Variants in IL17RC observed in about 807,000 individuals in gnomAD.
The protein encoded by IL17RC is interleukin 17 receptor C.
A neutral mutation model predicts 86.7 loss-of-function variants in IL17RC; 53 were observed. The ratio of observed to expected loss-of-function variants is 0.61; its 90% confidence interval spans 0.49 to 0.77. The LOEUF (loss-of-function observed/expected upper bound fraction) is 0.77. Among genes scored for constraint, IL17RC ranks in the 30% least tolerant of loss-of-function variants. IL17RC has a pLI of 0.00. For synonymous variants in IL17RC, 439 were observed against 413.1 expected, an observed-to-expected ratio of 1.06 and a Z score of -0.76; for missense variants, 957 against 940.0, an observed-to-expected ratio of 1.02 and a Z score of -0.24.
At position 9,917,263 on chromosome 3, in the gene IL17RC, T is replaced by TGGG. The variant is rs530330109; in HGVS notation, c.-46_-44dup. 81 of 1,301,484 alleles carry TGGG rather than the reference T, an allele frequency of 6.2e-5. No homozygotes were observed. The African/African-American group carries it at 7.1e-4, about 11-fold the overall frequency. 80.6% of individuals were successfully genotyped at this position (1,301,484 alleles called of 1,614,324 possible). A position where few individuals can be genotyped will look rare whatever the true frequency, so the allele number is the denominator to read the frequency against. ...GGCTGACTGGGGTGTCTGCCCCCCTTGGGGGGGGGCAGCACAGGGCCTCAG... is the reference window on the plus strand; with the variant it reads ...GGCTGACTGGGGTGTCTGCCCCCCTTGGGGGGGGGGGGCAGCACAGGGCCTCAG... On this transcript the variant is annotated 5_prime_UTR_variant, in exon 1 of 19. Transcript: ENST00000403601.
At chr3:9,932,891 C>T in intron 18 of IL17RC, 33 bp downstream of exon 18, 1 of 1,592,038 alleles carries the variant, frequency 6.3e-7, no homozygotes. Flanking sequence ...CGGAGGGCCG[C>T]CCCCGGGGAG....
chr3:9,919,517 G>T (rs1398123542), intron 5 of IL17RC, among the ~76,000 whole-genome samples: 1 of 151,900 alleles, frequency 6.6e-6, no homozygotes, highest in Non-Finnish European at 1.5e-5. Flanking sequence ...ATGGTGGTGG[G>T]CGCCTGTAGA....
chr3:9,924,116 C>T (rs1341850851), intron 8 of IL17RC, 96 bp downstream of exon 8: 2 of 1,608,818 alleles, frequency 1.2e-6, no homozygotes, highest in Admixed American at 3.4e-5. Context: ...GAAGAGGACT[C>T]ACCCCAAGCA....
At chr3:9,924,727 AC>A (rs2083901218) in intron 9 of IL17RC, among the ~76,000 whole-genome samples, 1 of 152,198 alleles carries the variant, frequency 6.6e-6, no homozygotes, top group Non-Finnish European at 1.5e-5. Context: ...AATAATAGTA[AC>A]AGCCTCATGG....
intron 9 of IL17RC, among the ~76,000 whole-genome samples, chr3:9,926,172 TACAGGCACACACC>T (rs373444924): frequency 6.6e-5 from 10 of 151,434 alleles, no homozygotes; most frequent in African/African-American, 1.5e-4. Flanking sequence ...TAGCTGAGAT[TACAGGCACACACC>T]ACCATGCCCA....
chr3:9,930,795 A>G lies in IL17RC; in HGVS notation c.1339-100A>G. The G allele has an allele frequency of 1.7e-5, 17 of 1,019,532 alleles. 1 individual carries two copies. The highest frequency in any genetic ancestry group is 1.6e-4 in the South Asian group (13 of 79,052). 63.2% of individuals were successfully genotyped at this position (1,019,532 alleles called of 1,614,324 possible). On this transcript the variant is annotated intron_variant, in intron 15 of 18. Transcript: ENST00000403601. The surrounding 1 kb of genome is among the most constrained non-coding windows in gnomAD (Gnocchi z 5.8). ...CAGGAACCTTAGCCGGGAGATATGC[A>G]TAGTTGATGCTGGGAATTTGGAGAT...
At chr3:9,932,897 G>A in intron 18 of IL17RC, 39 bp downstream of exon 18, 1 of 1,594,984 alleles carries the variant, frequency 6.3e-7, no homozygotes, top group Non-Finnish European at 8.5e-7. Flanking sequence ...GCCGCCCCCG[G>A]GGAGCCAGGC....
In IL17RC at chr3:9,930,992, C is replaced by G. The variant is rs766362039; in HGVS notation, c.1387+49C>G. The G allele has an allele frequency of 1.3e-6, 2 of 1,482,018 alleles. No individual in the cohort carries two copies. Among genetic ancestry groups the G allele is most frequent in the Non-Finnish European group, 1.9e-6 (2 of 1,059,396 alleles). 91.8% of individuals were successfully genotyped at this position (1,482,018 alleles called of 1,614,324 possible). On this transcript the variant is annotated intron_variant, in intron 16 of 18. Coordinates refer to ENST00000403601, the MANE Select transcript of IL17RC (RefSeq NM_153460.4). The surrounding 1 kb of genome is among the most constrained non-coding windows in gnomAD (Gnocchi z 5.8). ...TCCTTTCTGTACCAGGAGTGGGGATCTTGACAGGGACCACTCTTGGGCACA... is the reference window on the plus strand; with the variant it reads ...TCCTTTCTGTACCAGGAGTGGGGATGTTGACAGGGACCACTCTTGGGCACA...
In IL17RC at chr3:9,918,396, G is replaced by A. The variant is rs1402259633; in HGVS notation, c.342G>A (p.Glu114=). 6.2e-7 allele frequency: 1 copy of A among 1,611,632 alleles called. No homozygotes were observed. Among genetic ancestry groups the A allele is most frequent in the Non-Finnish European group, 8.5e-7 (1 of 1,178,876 alleles). Residue 114 remains glutamate, a synonymous_variant, in exon 4 of 19, where the codon GAG becomes GAA. Transcript: ENST00000403601. ...GAGGAGCAGCTGACTCAGGGGTGGA[G>A]GAGCCTAGGAATGGTGAGGAGAACC... ...KFGGAADSGV[E]EPRNASLQAQ...
intron 11 of IL17RC, 40 bp from the exon 12 acceptor site, chr3:9,928,540 G>A (rs1185931888): frequency 2.5e-6 from 4 of 1,613,118 alleles, no homozygotes; most frequent in East Asian, 2.2e-5. Context: ...GGAACCGGGG[G>A]TCCCCTTTTG....
chr3:9,924,344 G>C, intron 9 of IL17RC, 53 bp downstream of exon 9: 2 of 1,547,078 alleles, frequency 1.3e-6, no homozygotes, highest in South Asian at 2.2e-5. Context: ...GATGATGATG[G>C]GGGTGATCCC....
In IL17RC at chr3:9,917,116, G is replaced by C. The variant is rs763852730; in HGVS notation, c.-200G>C. On this transcript the variant is annotated 5_prime_UTR_variant, in exon 1 of 19. Transcript: ENST00000403601. ...GGGAGCCAAAACGAAAGCACTCCGT[G>C]CTGGAAGTAGGAGGAGAGTCAGGAC... The C allele has an allele frequency of 1.0e-5, 6 of 585,714 alleles. No homozygotes were observed. Among genetic ancestry groups the C allele is most frequent in the Non-Finnish European group, 1.8e-5 (6 of 329,298 alleles). The allele number at this position is 585,714 out of a possible 1,614,324, so 36.3% of individuals were successfully genotyped here.
intron 16 of IL17RC, among the ~76,000 whole-genome samples, chr3:9,931,470 C>CACACACACACACACACACACACATATAT (rs750351615): frequency 6.9e-5 from 3 of 43,746 alleles, no homozygotes; most frequent in Non-Finnish European, 1.3e-4. Context: ...CACACACACA[C>CACACACACACACACACACACACATATAT]ATATATATAT....
Position 9,930,474 on chromosome 3 carries a change from G to T in IL17RC, c.1338+15G>T. 1.9e-6 allele frequency: 3 copies of T among 1,613,444 alleles called. No homozygotes were observed. Among genetic ancestry groups the T allele is most frequent in the East Asian group, 4.5e-5 (2 of 44,874 alleles). On this transcript the variant is annotated intron_variant, in intron 15 of 18. Coordinates refer to ENST00000403601, the MANE Select transcript of IL17RC (RefSeq NM_153460.4). This position sits in a 1 kb window ranked among gnomAD's most constrained non-coding sequence, Gnocchi z 5.8. ...AGTGTCTGCAGGTGAGCTGGTGGAA[G>T]AAGGGCCCCACCTCAATGCCTAGGG...
Position 9,920,478 on chromosome 3 carries a change from C to T in IL17RC, c.466-13C>T, listed in dbSNP as rs1281081988. The T allele has an allele frequency of 2.4e-5, 38 of 1,552,840 alleles. No individual in the cohort carries two copies. The highest frequency in any genetic ancestry group is 3.1e-5 in the Non-Finnish European group (35 of 1,135,880). On this transcript the variant is annotated splice_polypyrimidine_tract_variant and intron_variant, in intron 5 of 18. Transcript: ENST00000403601. ...CCCTGCACCGCCAGCCTTCCTCACC[C>T]CTCTCCTCACAGGGCTCTGTGGTAT...
chr3:9,925,171 C>G (rs560772059), intron 9 of IL17RC, among the ~76,000 whole-genome samples: 93 of 150,116 alleles, frequency 6.2e-4, no homozygotes, highest in African/African-American at 2.2e-3. Flanking sequence ...GCTGGAGCAC[C>G]GTGGCGTGAT....
At chr3:9,932,334 C>G (rs1203776708) in intron 16 of IL17RC, among the ~76,000 whole-genome samples, 2 of 152,188 alleles carry the variant, frequency 1.3e-5, no homozygotes, top group Non-Finnish European at 2.9e-5. Flanking sequence ...TCAAGCGATT[C>G]TCTTGCCTCA....
At chr3:9,926,988 C>T (rs1278188391) in intron 9 of IL17RC, among the ~76,000 whole-genome samples, 2 of 152,120 alleles carry the variant, frequency 1.3e-5, no homozygotes, top group South Asian at 2.1e-4. Flanking sequence ...AATGTTACTG[C>T]CTAACACAGC....
Position 9,923,738 on chromosome 3 carries a change from A to G in IL17RC, c.623-143A>G, listed in dbSNP as rs2083793552. ...GGCTTTGGGCAGCTGCTAGGAGCAA[A>G]GTCTGGTCTGAAATGATGACACACG... is the stretch of plus-strand genomic sequence containing the variant. On this transcript the variant is annotated intron_variant, in intron 7 of 18. Coordinates refer to ENST00000403601, the MANE Select transcript of IL17RC (RefSeq NM_153460.4). The G allele has an allele frequency of 9.0e-6, 8 of 890,610 alleles. No homozygotes were observed. In the South Asian group the frequency reaches 1.3e-4, roughly 15 times the overall value. 55.2% of individuals were successfully genotyped at this position (890,610 alleles called of 1,614,324 possible). A position where few individuals can be genotyped will look rare whatever the true frequency, so the allele number is the denominator to read the frequency against.
Sources: gnomAD v4.1 joint callset for allele counts (sites outside exome capture counted in the v4.1 genomes callset) on GRCh38, gnomAD v4.1.1 for gene constraint, Gnocchi (gnomAD v3.1) non-coding constraint, MANE v1.5 for transcripts, NCBI Gene and HGNC (gene_info 2026-07-23, HGNC 2026-07-21) for gene names.